NALCN: variants seen among roughly 807,000 people sequenced by gnomAD.
NALCN encodes the protein sodium leak channel, non-selective.
Under a neutral mutation model 225.3 loss-of-function variants are expected in NALCN, and 111 were observed. That is an observed-to-expected ratio of 0.49 (90% confidence interval 0.42 to 0.58). NALCN has a LOEUF of 0.58. Among genes scored for constraint, NALCN ranks in the 20% least tolerant of loss-of-function variants. The probability of loss-of-function intolerance (pLI) is 0.00; values close to 1 mark genes in which losing one functional copy is unlikely to be tolerated. For missense variants in NALCN, 1,378 were observed against 2,202.4 expected (o/e 0.63, Z 7.49); for synonymous variants, 764 against 769.0 (o/e 0.99, Z 0.11).
chr13:101,264,445 C>A (rs1375872222), intron 10 of NALCN, among the ~76,000 whole-genome samples: 3 of 151,920 alleles, frequency 2.0e-5, no homozygotes, highest in Admixed American at 2.0e-4. Context: ...CTAGATTAAT[C>A]CCCAAGGCAG....
chr13:101,060,748 G>C (rs1441726837), intron 41 of NALCN, among the ~76,000 whole-genome samples: 8 of 152,150 alleles, frequency 5.3e-5, no homozygotes. Flanking sequence ...CTTTGTGCTT[G>C]TCTTGGTTCT....
chr13:101,133,578 T>C (rs1298739512), intron 17 of NALCN, among the ~76,000 whole-genome samples: 1 of 152,214 alleles, frequency 6.6e-6, no homozygotes, highest in East Asian at 1.9e-4. Flanking sequence ...TCGAAGGTGG[T>C]ATCTCATTTG....
intron 15 of NALCN, among the ~76,000 whole-genome samples, chr13:101,171,184 A>ATG (rs2038695151): frequency 1.3e-5 from 2 of 151,398 alleles, no homozygotes; most frequent in African/African-American, 4.8e-5. Context: ...TTTTATATAT[A>ATG]TGTGTGTATA....
intron 11 of NALCN, among the ~76,000 whole-genome samples, chr13:101,252,213 T>C (rs373094035): frequency 3.9e-5 from 6 of 152,282 alleles, no homozygotes; most frequent in East Asian, 3.9e-4. Flanking sequence ...TTACCTCTGA[T>C]TCCCCATCAC....
At chr13:101,208,896 G>T (rs2040421585) in intron 13 of NALCN, among the ~76,000 whole-genome samples, 1 of 152,220 alleles carries the variant, frequency 6.6e-6, no homozygotes, top group African/African-American at 2.4e-5. Context: ...ACAGCCTGCA[G>T]AATGGTGAGC....
At chr13:101,056,325 A>G (rs1455674868) in intron 43 of NALCN, among the ~76,000 whole-genome samples, 1 of 139,172 alleles carries the variant, frequency 7.2e-6, no homozygotes, top group African/African-American at 2.7e-5. Flanking sequence ...CAGCGGCACA[A>G]TCTTGGTTCA....
chr13:101,281,171 T>C (rs966715476), intron 10 of NALCN, among the ~76,000 whole-genome samples: 20 of 152,142 alleles, frequency 1.3e-4, no homozygotes, highest in Non-Finnish European at 2.2e-4. Context: ...GGTTTTGATT[T>C]TAAGATTATG....
intron 41 of NALCN, among the ~76,000 whole-genome samples, chr13:101,060,612 A>G (rs1359062952): frequency 6.6e-6 from 1 of 151,902 alleles, no homozygotes; most frequent in Admixed American, 6.6e-5. Context: ...TAAAATTACT[A>G]ATGTGGCTAT....
At chr13:101,235,194 G>A (rs1410376561) in intron 12 of NALCN, among the ~76,000 whole-genome samples, 11 of 151,796 alleles carry the variant, frequency 7.2e-5, no homozygotes, top group South Asian at 4.1e-4. Context: ...TTAAATTCGC[G>A]TTATGACTTA....
At chr13:101,081,681 G>A (rs770484133) in intron 33 of NALCN, 35 bp from the exon 34 acceptor site, 31 of 1,612,202 alleles carry the variant, frequency 1.9e-5, no homozygotes, top group Non-Finnish European at 2.5e-5. Flanking sequence ...TAAACAGAGA[G>A]AGTGTTTAGT....
Position 101,304,997 on chromosome 13 carries a change from C to T in NALCN, c.800-12631G>A, listed in dbSNP as rs574194531. Among the ~76,000 whole-genome samples the T allele has an allele frequency of 1.4e-4, 21 of 152,038 alleles. No individual in the cohort carries two copies. The East Asian group carries it at 2.9e-3, about 21-fold the overall frequency. ...GTCTTGATCTCCTGACCTCGTGATC[C>T]GCCCGCCTCAGCCTCCCAAAGTGCT... On this transcript the variant is annotated intron_variant, in intron 7 of 43. Coordinates refer to ENST00000251127, the MANE Select transcript of NALCN (RefSeq NM_052867.4).
At chr13:101,263,993 A>C (rs1305178525) in intron 10 of NALCN, among the ~76,000 whole-genome samples, 1 of 152,192 alleles carries the variant, frequency 6.6e-6, no homozygotes, top group African/African-American at 2.4e-5. Context: ...GAAAGTCCAA[A>C]TTTATACTTT....
chr13:101,345,682 C>T (rs1379230740), intron 6 of NALCN, among the ~76,000 whole-genome samples: 3 of 128,968 alleles, frequency 2.3e-5, no homozygotes, highest in African/African-American at 8.6e-5. Flanking sequence ...CTCTTTCTAT[C>T]TATCTATCTA....
chr13:101,237,806 A>C lies in NALCN; in HGVS notation c.1383T>G (p.Thr461=). 1 of 1,608,158 alleles carries C rather than the reference A, an allele frequency of 6.2e-7. No individual in the cohort carries two copies. Among genetic ancestry groups the C allele is most frequent in the Non-Finnish European group, 8.5e-7 (1 of 1,177,414 alleles). Residue 461 remains threonine, a synonymous_variant, in exon 12 of 44, where the codon ACT becomes ACG. Coordinates refer to ENST00000251127, the MANE Select transcript of NALCN (RefSeq NM_052867.4). ...HKFELLLVIG[T]TLHVYPDLYH... is the part of the protein sequence containing the mutation. The stretch of plus-strand genomic sequence containing the variant: ...AAAGATCTGGGTATACATGAAGAGT[A>C]GTTCCAATTACGAGTAGTAGTTCGA...
intron 11 of NALCN, among the ~76,000 whole-genome samples, chr13:101,250,709 T>C (rs1005691861): frequency 1.3e-5 from 2 of 151,890 alleles, no homozygotes; most frequent in Admixed American, 6.6e-5. Context: ...GAATCAAAAA[T>C]TAAAGATGAC....
chr13:101,080,270 A>G (rs1490487176), intron 34 of NALCN, among the ~76,000 whole-genome samples: 1 of 152,138 alleles, frequency 6.6e-6, no homozygotes. Flanking sequence ...ACCAGCAGCC[A>G]CATGGAACCA....
chr13:101,404,439 T>C (rs951634508), intron 1 of NALCN, among the ~76,000 whole-genome samples: 1 of 152,202 alleles, frequency 6.6e-6, no homozygotes, highest in Non-Finnish European at 1.5e-5. Context: ...AGAAAAACTA[T>C]ATAAACAAAA....
intron 7 of NALCN, among the ~76,000 whole-genome samples, chr13:101,341,025 A>G (rs1454887340): frequency 6.6e-6 from 1 of 152,182 alleles, no homozygotes; most frequent in Non-Finnish European, 1.5e-5. Context: ...TATTGTATAA[A>G]TGTTACTTTT....
chr13:101,322,528 G>A (rs1172148622), intron 7 of NALCN, among the ~76,000 whole-genome samples: 1 of 152,078 alleles, frequency 6.6e-6, no homozygotes, highest in Non-Finnish European at 1.5e-5. Flanking sequence ...GAAATCATCT[G>A]GTTAACGTTT....
Sources: gnomAD v4.1 joint callset for allele counts (sites outside exome capture counted in the v4.1 genomes callset) on GRCh38, gnomAD v4.1.1 for gene constraint, MANE v1.5 for transcripts, NCBI Gene and HGNC (gene_info 2026-07-23, HGNC 2026-07-21) for gene names.